LCORL: variants seen among roughly 807,000 people sequenced by gnomAD.
LCORL encodes ligand dependent nuclear receptor corepressor like.
LCORL carries 41 observed loss-of-function variants against 141.8 expected under a neutral mutation model. That is an observed-to-expected ratio of 0.29 (90% CI 0.23 to 0.38). The LOEUF (loss-of-function observed/expected upper bound fraction) is 0.38. Ranked by LOEUF, LCORL falls within the 10% of genes least tolerant of loss-of-function variation. The pLI is 1.00. For missense variants in LCORL, 1,759 were observed against 2,035.0 expected, an observed-to-expected ratio of 0.86 and a Z score of 2.61; for synonymous variants, 618 against 694.1, an observed-to-expected ratio of 0.89 and a Z score of 1.72.
chr4:17,928,115 A>G (rs554515908), intron 4 of LCORL, among the ~76,000 whole-genome samples: 95 of 152,344 alleles, frequency 6.2e-4, no homozygotes, highest in Non-Finnish European at 1.2e-3. Flanking sequence ...TATAAAAATC[A>G]GTCCACCCTG....
intron 4 of LCORL, among the ~76,000 whole-genome samples, chr4:17,950,864 G>A (rs1015640250): frequency 6.6e-6 from 1 of 152,062 alleles, no homozygotes; most frequent in African/African-American, 2.4e-5. Context: ...ATCATGACAG[G>A]AGAAGACTCA....
At chr4:17,977,057 G>A (rs1055312336) in intron 1 of LCORL, among the ~76,000 whole-genome samples, 1 of 152,122 alleles carries the variant, frequency 6.6e-6, no homozygotes, top group Non-Finnish European at 1.5e-5. Flanking sequence ...ACTTTCATGA[G>A]AATCGAATCT....
At chr4:17,848,650 T>C (rs1160983562) in intron 7 of LCORL, among the ~76,000 whole-genome samples, 1 of 152,266 alleles carries the variant, frequency 6.6e-6, no homozygotes, top group Admixed American at 6.5e-5. Context: ...ACCAGGTTCA[T>C]CTCACTAGGG....
intron 1 of LCORL, among the ~76,000 whole-genome samples, chr4:17,976,056 T>C (rs558745472): frequency 2.0e-5 from 3 of 152,324 alleles, no homozygotes; most frequent in Admixed American, 2.0e-4. Context: ...TGTTCTATTG[T>C]GTCTACTGTT....
Position 17,912,439 on chromosome 4 carries a change from A to T in LCORL, c.431-3094T>A, listed in dbSNP as rs193044331. ...TAAATCTCAGGACCTTGCCAAGATC[A>T]TGGCAGACATCTGGGCCCAATACGA... On this transcript the variant is annotated intron_variant, in intron 4 of 7. Transcript: ENST00000635767. 1.4e-5 allele frequency: 8 copies of T among 588,010 alleles called. No homozygotes were observed. The African/African-American group carries it at 1.5e-4, about 11-fold the overall frequency. 36.4% of individuals were successfully genotyped at this position (588,010 alleles called of 1,614,324 possible).
chr4:17,990,510 G>C (rs1719800628), intron 1 of LCORL, among the ~76,000 whole-genome samples: 1 of 150,900 alleles, frequency 6.6e-6, no homozygotes, highest in Non-Finnish European at 1.5e-5. Flanking sequence ...AGGTGAGGGA[G>C]TGGGGTGGGG....
At chr4:17,980,131 G>A (rs1317361446) in intron 1 of LCORL, among the ~76,000 whole-genome samples, 1 of 152,142 alleles carries the variant, frequency 6.6e-6, no homozygotes, top group Non-Finnish European at 1.5e-5. Flanking sequence ...AGAACTATAA[G>A]ATACTAAATT....
intron 7 of LCORL, among the ~76,000 whole-genome samples, chr4:17,861,110 G>A (rs966910304): frequency 1.3e-5 from 2 of 152,158 alleles, no homozygotes; most frequent in Admixed American, 6.5e-5. Flanking sequence ...TCACAGTTCC[G>A]CTAGGCAGTG....
intron 2 of LCORL, among the ~76,000 whole-genome samples, chr4:17,971,347 C>A (rs1365209640): frequency 6.6e-6 from 1 of 151,668 alleles, no homozygotes; most frequent in African/African-American, 2.4e-5. Context: ...TTCAGTCTAA[C>A]AATTCTTCCA....
chr4:17,885,271 A>G (rs1350453662), intron 6 of LCORL, among the ~76,000 whole-genome samples: 1 of 151,980 alleles, frequency 6.6e-6, no homozygotes, highest in Non-Finnish European at 1.5e-5. Context: ...CAAGAGCTTA[A>G]AACTTGAAAC....
chr4:18,011,657 CA>C (rs774248375), intron 1 of LCORL, among the ~76,000 whole-genome samples: 3 of 152,316 alleles, frequency 2.0e-5, no homozygotes, highest in Admixed American at 6.5e-5. Flanking sequence ...CAGAGATCAG[CA>C]AACTATGGTT....
chr4:17,853,349 C>T (rs1234988542), intron 7 of LCORL, among the ~76,000 whole-genome samples: 2 of 152,094 alleles, frequency 1.3e-5, no homozygotes, highest in African/African-American at 2.4e-5. Flanking sequence ...ATAGTTGTAA[C>T]CCCATCCAGG....
chr4:17,942,127 T>C (rs567838859), intron 4 of LCORL, among the ~76,000 whole-genome samples: 16 of 152,192 alleles, frequency 1.1e-4, no homozygotes, highest in Non-Finnish European at 2.2e-4. Context: ...AGCTGGGGCA[T>C]TCTTATGAAC....
At position 17,969,259 on chromosome 4, in the gene LCORL, C is replaced by T. The variant is rs369433341; in HGVS notation, c.220+3561G>A. ...AGTTTGTGACTTCTTGGAGACCTCA[C>T]TCCAAAAAGAGAGAATAGTTATGCT... On this transcript the variant is annotated intron_variant, in intron 2 of 7. Transcript: ENST00000635767. Among the ~76,000 whole-genome samples, 45 of 152,210 alleles carry T rather than the reference C, an allele frequency of 3.0e-4. No individual in the cohort carries two copies. The South Asian group carries it at 4.4e-3, about 15-fold the overall frequency.
At chr4:17,903,528 T>C (rs1336681602) in intron 5 of LCORL, among the ~76,000 whole-genome samples, 2 of 152,066 alleles carry the variant, frequency 1.3e-5, no homozygotes, top group Admixed American at 1.3e-4. Flanking sequence ...ACTAATGTTA[T>C]TTATATCTGT....
In LCORL at chr4:17,962,916, C is replaced by A. The variant is rs545670687; in HGVS notation, c.300+54G>T. 1,306 of 893,932 alleles carry A rather than the reference C, an allele frequency of 1.5e-3. 16 individuals carry two copies. The African/African-American group carries it at 0.021, about 14-fold the overall frequency. 55.4% of individuals were successfully genotyped at this position (893,932 alleles called of 1,614,324 possible). ...AAAACAAATTAAGATAAAAAAAAAACTGTGTTACAATTGTGCATTAGTTTA... is the reference window on the plus strand; with the variant it reads ...AAAACAAATTAAGATAAAAAAAAAAATGTGTTACAATTGTGCATTAGTTTA... On this transcript the variant is annotated intron_variant, in intron 3 of 7. Transcript: ENST00000635767.
At chr4:17,861,459 A>T (rs949947982) in intron 7 of LCORL, among the ~76,000 whole-genome samples, 2 of 151,616 alleles carry the variant, frequency 1.3e-5, no homozygotes, top group African/African-American at 4.8e-5. Context: ...CAGCACGGGG[A>T]CCCTGGGCCT....
intron 5 of LCORL, among the ~76,000 whole-genome samples, chr4:17,887,118 T>C (rs987542784): frequency 1.3e-5 from 2 of 151,894 alleles, no homozygotes; most frequent in Admixed American, 6.6e-5. Flanking sequence ...GATACAAAGA[T>C]GAAAAATAAA....
intron 7 of LCORL, among the ~76,000 whole-genome samples, chr4:17,870,868 T>C (rs1171436032): frequency 6.6e-6 from 1 of 152,314 alleles, no homozygotes; most frequent in African/African-American, 2.4e-5. Context: ...AGTACAAATG[T>C]GGTGAAGTAT....
Sources: gnomAD v4.1 joint callset for allele counts (sites outside exome capture counted in the v4.1 genomes callset) on GRCh38, gnomAD v4.1.1 for gene constraint, MANE v1.5 for transcripts, NCBI Gene and HGNC (gene_info 2026-07-23, HGNC 2026-07-21) for gene names.